CRTAC1: variants seen among roughly 807,000 people sequenced by gnomAD.
CRTAC1 encodes acidic secreted protein in cartilage.
CRTAC1 carries 37 observed loss-of-function variants against 67.8 expected under a neutral mutation model. The observed-to-expected ratio is 0.55, with a 90% CI of 0.42 to 0.72. The LOEUF (loss-of-function observed/expected upper bound fraction) is 0.72, where lower values mean the gene tolerates loss of function less well. CRTAC1 is among the 30% of genes least tolerant of loss of function. The pLI, the probability that CRTAC1 is intolerant of heterozygous loss-of-function variation, is 0.00. For synonymous variants in CRTAC1, 348 were observed against 371.0 expected (o/e 0.94, Z 0.71); for missense variants, 780 against 931.6 (o/e 0.84, Z 2.12).
chr10:97,957,841 G>C (rs1470230633), intron 2 of CRTAC1, among the ~76,000 whole-genome samples: 1 of 152,168 alleles, frequency 6.6e-6, no homozygotes, highest in Admixed American at 6.5e-5. Flanking sequence ...AGTTGGGGGA[G>C]GAGATGGTGG....
At chr10:97,968,649 C>T (rs2051658142) in intron 2 of CRTAC1, among the ~76,000 whole-genome samples, 1 of 152,214 alleles carries the variant, frequency 6.6e-6, no homozygotes, top group Admixed American at 6.5e-5. Flanking sequence ...CACAGCAAGG[C>T]TGAATTCCCC....
intron 2 of CRTAC1, among the ~76,000 whole-genome samples, chr10:97,990,803 T>G (rs1252705626): frequency 6.6e-6 from 1 of 152,122 alleles, no homozygotes; most frequent in Non-Finnish European, 1.5e-5. Flanking sequence ...ATGAATATAA[T>G]AGGGAAAATA....
intron 8 of CRTAC1, among the ~76,000 whole-genome samples, chr10:97,899,773 T>C (rs1325010503): frequency 6.6e-6 from 1 of 152,104 alleles, no homozygotes; most frequent in African/African-American, 2.4e-5. Context: ...GGGGTAGGGG[T>C]CTTGGGGGGC....
At chr10:97,926,016 A>T (rs1590213902) in intron 3 of CRTAC1, among the ~76,000 whole-genome samples, 1 of 152,084 alleles carries the variant, frequency 6.6e-6, no homozygotes, top group East Asian at 1.9e-4. Flanking sequence ...AAGGGTCCTC[A>T]CCCGACAGCA....
intron 13 of CRTAC1, among the ~76,000 whole-genome samples, chr10:97,881,383 G>A (rs547495173): frequency 2.0e-5 from 3 of 152,212 alleles, no homozygotes; most frequent in East Asian, 1.9e-4. Context: ...TCTTCCCCCC[G>A]AGGCCCTCCC....
intron 1 of CRTAC1, among the ~76,000 whole-genome samples, chr10:98,019,057 G>C (rs2136703181): frequency 6.6e-6 from 1 of 152,216 alleles, no homozygotes; most frequent in South Asian, 2.1e-4. Flanking sequence ...AGCACAGAGA[G>C]ATGTAAGTTA....
Position 97,970,186 on chromosome 10 carries a change from T to C in CRTAC1, c.225-33820A>G, listed in dbSNP as rs1038339463. Among the ~76,000 whole-genome samples the C allele has an allele frequency of 3.9e-5, 6 of 152,116 alleles. No homozygotes were observed. In the South Asian group the frequency reaches 6.2e-4, roughly 16 times the overall value. On this transcript the variant is annotated intron_variant, in intron 2 of 14. Transcript: ENST00000370597. Reference sequence around the variant, plus strand: ...AAATCCTGTCGGCTCTACCTTACAATATATTAATACACAGAACATGGTTAT... The same window carrying C: ...AAATCCTGTCGGCTCTACCTTACAACATATTAATACACAGAACATGGTTAT...
At chr10:97,866,386 G>C (rs531796350) in intron 14 of CRTAC1, 2 of 152,262 alleles carry the variant, frequency 1.3e-5, no homozygotes, top group Non-Finnish European at 2.9e-5. Flanking sequence ...GTGCTGGTTG[G>C]GGGGCACAGA....
chr10:97,998,838 T>A (rs984747457), intron 2 of CRTAC1, among the ~76,000 whole-genome samples: 1 of 152,220 alleles, frequency 6.6e-6, no homozygotes, highest in East Asian at 1.9e-4. Flanking sequence ...GAGTAGGGGT[T>A]CAGAGTTAAC....
intron 2 of CRTAC1, among the ~76,000 whole-genome samples, chr10:97,978,039 A>G (rs1363601297): frequency 6.6e-6 from 1 of 152,042 alleles, no homozygotes; most frequent in Non-Finnish European, 1.5e-5. Flanking sequence ...CAGAAGGTCA[A>G]CTCCAACACA....
At chr10:97,936,646 A>T (rs1220643959) in intron 2 of CRTAC1, among the ~76,000 whole-genome samples, 1 of 152,250 alleles carries the variant, frequency 6.6e-6, no homozygotes, top group Non-Finnish European at 1.5e-5. Context: ...GGAGCCATGG[A>T]CAGCCCGTTC....
chr10:97,887,248 G>A (rs1343050350), intron 11 of CRTAC1, among the ~76,000 whole-genome samples: 2 of 103,486 alleles, frequency 1.9e-5, no homozygotes, highest in Non-Finnish European at 3.9e-5. Flanking sequence ...TTTTTTTTCT[G>A]TTTTTATTTT....
chr10:97,901,503 C>T lies in CRTAC1; in HGVS notation c.1133G>A (p.Arg378His), dbSNP rs1479216971. The change falls in exon 8 of 15, where the codon CGC (arginine) becomes CAC (histidine). Residue 378 changes from arginine (R) to histidine (H), a missense_variant and splice_region_variant. Arg to His is a conservative substitution (Grantham distance 29). Transcript: ENST00000370597. The part of the protein sequence containing the change: ...YRSSSANRLF[R>H]VIRREHGDPL... ...CCACGAGCCAGGATGGAGCATCTACCGGAAGAGGCGGTTGGCTGAGGAGCT... is the reference window on the plus strand; with the variant it reads ...CCACGAGCCAGGATGGAGCATCTACTGGAAGAGGCGGTTGGCTGAGGAGCT... 8 of 1,613,958 alleles carry T rather than the reference C, an allele frequency of 5.0e-6. No homozygotes were observed. The highest frequency in any genetic ancestry group is 2.7e-5 in the African/African-American group (2 of 74,918).
At chr10:97,979,376 A>G (rs779220603) in intron 2 of CRTAC1, among the ~76,000 whole-genome samples, 1 of 152,202 alleles carries the variant, frequency 6.6e-6, no homozygotes, top group Non-Finnish European at 1.5e-5. Flanking sequence ...ACCGTGGGGA[A>G]GGAACAAGAG....
chr10:98,013,550 C>T (rs887160755), intron 1 of CRTAC1, among the ~76,000 whole-genome samples: 12 of 152,210 alleles, frequency 7.9e-5, no homozygotes, highest in African/African-American at 1.9e-4. Context: ...CATTGGCTGA[C>T]CTCTATTTTG....
At chr10:97,914,563 G>C (rs968309216) in intron 5 of CRTAC1, among the ~76,000 whole-genome samples, 4 of 152,194 alleles carry the variant, frequency 2.6e-5, no homozygotes, top group Non-Finnish European at 4.4e-5. Context: ...CCTGTGGCCT[G>C]GCTCCAGACC....
chr10:98,028,453 T>C (rs1425536045), intron 1 of CRTAC1, among the ~76,000 whole-genome samples: 3 of 152,198 alleles, frequency 2.0e-5, no homozygotes, highest in African/African-American at 4.8e-5. Flanking sequence ...TGAGAGGCTG[T>C]CACAAGCTGT....
chr10:97,889,142 G>A lies in CRTAC1; in HGVS notation c.1487-4791C>T, dbSNP rs573800766. Reference sequence around the variant, plus strand: ...GAGGCGGGAGGGAAGGGGGGGAGGGGGAAGGGGGGAGGGAGAATGGTTGGG... The same window carrying A: ...GAGGCGGGAGGGAAGGGGGGGAGGGAGAAGGGGGGAGGGAGAATGGTTGGG... On this transcript the variant is annotated intron_variant, in intron 11 of 14. Transcript: ENST00000370597. 4.6e-4 allele frequency among the ~76,000 whole-genome samples: 63 copies of A among 136,076 alleles called. No homozygotes were observed. In the East Asian group the frequency reaches 0.016, roughly 35 times the overall value. 89.3% of individuals were successfully genotyped at this position (136,076 alleles called of 152,430 possible). A position where few individuals can be genotyped will look rare whatever the true frequency, so the allele number is the denominator to read the frequency against.
intron 6 of CRTAC1, among the ~76,000 whole-genome samples, chr10:97,905,073 T>G (rs559727637): frequency 6.7e-6 from 1 of 149,522 alleles, no homozygotes; most frequent in South Asian, 2.2e-4. Flanking sequence ...TTACCCTGTT[T>G]GGGGGGTGGC....
Sources: gnomAD v4.1 joint callset for allele counts (sites outside exome capture counted in the v4.1 genomes callset) on GRCh38, gnomAD v4.1.1 for gene constraint, MANE v1.5 for transcripts, NCBI Gene and HGNC (gene_info 2026-07-23, HGNC 2026-07-21) for gene names.